Variants in EXT2 observed in about 807,000 individuals in gnomAD.
EXT2 encodes exostosin-2.
Under a neutral mutation model 81.6 loss-of-function variants are expected in EXT2, and 53 were observed. That is an observed-to-expected ratio of 0.65 (90% CI 0.52 to 0.82). The LOEUF is 0.82. Ranked by LOEUF, EXT2 falls within the 40% of genes least tolerant of loss-of-function variation. The pLI is 0.00. For synonymous variants in EXT2, 320 were observed against 340.0 expected (o/e 0.94, Z 0.65); for missense variants, 774 against 910.2 (o/e 0.85, Z 1.93).
chr11:44,217,908 G>T (rs942719684), intron 10 of EXT2, among the ~76,000 whole-genome samples: 32 of 152,144 alleles, frequency 2.1e-4, no homozygotes, highest in Non-Finnish European at 4.3e-4. Flanking sequence ...TAGCACTTAA[G>T]TGTTGAACAT....
At chr11:44,212,613 C>A (rs935200353) in intron 10 of EXT2, among the ~76,000 whole-genome samples, 2 of 152,100 alleles carry the variant, frequency 1.3e-5, no homozygotes, top group Non-Finnish European at 2.9e-5. Context: ...TATGACCCAG[C>A]TTCCAAAAGA....
At chr11:44,157,895 C>A (rs1183392919) in intron 7 of EXT2, among the ~76,000 whole-genome samples, 1 of 152,314 alleles carries the variant, frequency 6.6e-6, no homozygotes, top group Admixed American at 6.5e-5. Context: ...GCCTGTGTAC[C>A]ACTGATGTTT....
chr11:44,249,191 C>T lies in EXT2; in HGVS notation c.*4904C>T, dbSNP rs1466828884. 6.6e-6 allele frequency among the ~76,000 whole-genome samples: 1 copy of T among 151,978 alleles called. No homozygotes were observed. The highest frequency in any genetic ancestry group is 2.4e-5 in the African/African-American group (1 of 41,384). Reference sequence around the variant, plus strand: ...TTTTAATTTTTTTGGAGAGACAGGGCCTCACTATGTTGCCTAGGCTGGTCT... The same window carrying T: ...TTTTAATTTTTTTGGAGAGACAGGGTCTCACTATGTTGCCTAGGCTGGTCT... On this transcript the variant is annotated 3_prime_UTR_variant, in exon 14 of 14. Coordinates refer to ENST00000533608, the MANE Select transcript of EXT2 (RefSeq NM_207122.2).
At position 44,114,446 on chromosome 11, in the gene EXT2, T is replaced by G. The variant is rs1307579003; in HGVS notation, c.743+145T>G. 4 of 774,078 alleles carry G rather than the reference T, an allele frequency of 5.2e-6. No homozygotes were observed. In the East Asian group the frequency reaches 9.8e-5, roughly 19 times the overall value. 48.0% of individuals were successfully genotyped at this position (774,078 alleles called of 1,614,324 possible). A position where few individuals can be genotyped will look rare whatever the true frequency, so the allele number is the denominator to read the frequency against. On this transcript the variant is annotated intron_variant, in intron 4 of 13. Coordinates refer to ENST00000533608, the MANE Select transcript of EXT2 (RefSeq NM_207122.2). Reference sequence around the variant, plus strand: ...CACTGAGGCACCCATCTTTCCCACCTCCATGCAGTCTCATTCATCTTGCAG... The same window carrying G: ...CACTGAGGCACCCATCTTTCCCACCGCCATGCAGTCTCATTCATCTTGCAG...
chr11:44,135,105 C>G (rs1029011349), intron 7 of EXT2, among the ~76,000 whole-genome samples: 17 of 152,182 alleles, frequency 1.1e-4, no homozygotes, highest in Admixed American at 1.1e-3. Context: ...AATAAAACCT[C>G]TAGACTATAG....
At chr11:44,190,727 T>C (rs1034621835) in intron 8 of EXT2, among the ~76,000 whole-genome samples, 6 of 152,258 alleles carry the variant, frequency 3.9e-5, no homozygotes, top group Non-Finnish European at 7.3e-5. Flanking sequence ...TTTTCCTTGC[T>C]CTTGATTTCA....
chr11:44,251,485 G>A lies in EXT2; in HGVS notation c.*7198G>A, dbSNP rs992875501. On this transcript the variant is annotated 3_prime_UTR_variant, in exon 14 of 14. Coordinates refer to ENST00000533608, the MANE Select transcript of EXT2 (RefSeq NM_207122.2). ...TTTAGGCCTTAACAGCACAATAAAAGTATCCCATGAGACCATTATGAGCAG... is the reference window on the plus strand; with the variant it reads ...TTTAGGCCTTAACAGCACAATAAAAATATCCCATGAGACCATTATGAGCAG... Among the ~76,000 whole-genome samples, 3 of 152,114 alleles carry A rather than the reference G, an allele frequency of 2.0e-5. No homozygotes were observed. The highest frequency in any genetic ancestry group is 7.2e-5 in the African/African-American group (3 of 41,438).
In EXT2 at chr11:44,249,843, G is replaced by C. The variant is rs1956125270; in HGVS notation, c.*5556G>C. On this transcript the variant is annotated 3_prime_UTR_variant, in exon 14 of 14. Transcript: ENST00000533608. Reference sequence around the variant, plus strand: ...CCCAGCATTTTGGGAGGCCAAAGCGGGCAGATCATGAGGTCACGAGATCGA... The same window carrying C: ...CCCAGCATTTTGGGAGGCCAAAGCGCGCAGATCATGAGGTCACGAGATCGA... 6.6e-6 allele frequency among the ~76,000 whole-genome samples: 1 copy of C among 152,190 alleles called. No individual in the cohort carries two copies. The highest frequency in any genetic ancestry group is 6.5e-5 in the Admixed American group (1 of 15,288).
In EXT2 at chr11:44,126,960, G is replaced by A. The variant is rs773025398; in HGVS notation, c.1079+5G>A. ...TGAAGTTCTTGACTGGAAGAGGTGG[G>A]TAGTACCTCCTAGTAAACTCTACAT... On this transcript the variant is annotated splice_donor_5th_base_variant and intron_variant, in intron 6 of 13. Coordinates refer to ENST00000533608, the MANE Select transcript of EXT2 (RefSeq NM_207122.2). 27 of 1,613,858 alleles carry A rather than the reference G, an allele frequency of 1.7e-5. No individual in the cohort carries two copies. The highest frequency in any genetic ancestry group is 2.2e-5 in the Non-Finnish European group (26 of 1,179,894).
At position 44,249,000 on chromosome 11, in the gene EXT2, T is replaced by A. The variant is rs927826075; in HGVS notation, c.*4713T>A. 2.6e-5 allele frequency among the ~76,000 whole-genome samples: 4 copies of A among 152,146 alleles called. No homozygotes were observed. Among genetic ancestry groups the A allele is most frequent in the African/African-American group, 9.7e-5 (4 of 41,416 alleles). On this transcript the variant is annotated 3_prime_UTR_variant, in exon 14 of 14. Coordinates refer to ENST00000533608, the MANE Select transcript of EXT2 (RefSeq NM_207122.2). ...TGTTTGTTTGTTTGTTTTTGTTTTT[T>A]TTGTTTTTTCTTTGGAAACAGAGTC...
At chr11:44,164,389 T>C (rs1954965392) in intron 7 of EXT2, among the ~76,000 whole-genome samples, 1 of 152,210 alleles carries the variant, frequency 6.6e-6, no homozygotes, top group Admixed American at 6.5e-5. Flanking sequence ...TTTTCTCTTA[T>C]TTCAAAAAAC....
intron 10 of EXT2, among the ~76,000 whole-genome samples, chr11:44,218,172 G>A (rs1461751698): frequency 2.0e-5 from 3 of 152,174 alleles, no homozygotes; most frequent in African/African-American, 7.2e-5. Context: ...GTAATAACAA[G>A]TACATACTCT....
At chr11:44,228,992 G>A (rs958085617) in intron 10 of EXT2, among the ~76,000 whole-genome samples, 1 of 152,172 alleles carries the variant, frequency 6.6e-6, no homozygotes, top group Non-Finnish European at 1.5e-5. Context: ...TCCATCTTCA[G>A]CAGAAGTGCC....
At position 44,206,925 on chromosome 11, in the gene EXT2, T is replaced by C; in HGVS notation, c.1628T>C (p.Met543Thr). The C allele has an allele frequency of 6.2e-7, 1 of 1,614,196 alleles. No individual in the cohort carries two copies. Among genetic ancestry groups the C allele is most frequent in the Non-Finnish European group, 8.5e-7 (1 of 1,180,016 alleles). Residue 543 changes from methionine to threonine, a missense_variant, in exon 10 of 14, where the codon ATG becomes ACG. By Grantham distance (81) the Met-to-Thr change is moderately conservative. This residue lies in a region of EXT2 where 148 missense variants were observed against 239.7 expected (regional missense o/e 0.62). Transcript: ENST00000533608. ...AVLAIDDDII[M>T]LTSDELQFGY... ...CTGGCCATTGATGATGATATCATTATGCTGACCTCTGACGAGCTGCAATTT... is the reference window on the plus strand; with the variant it reads ...CTGGCCATTGATGATGATATCATTACGCTGACCTCTGACGAGCTGCAATTT...
At position 44,134,479 on chromosome 11, in the gene EXT2, T is replaced by C. The variant is rs78658226; in HGVS notation, c.1173+4341T>C. On this transcript the variant is annotated intron_variant, in intron 7 of 13. Transcript: ENST00000533608. ...GGCTAAAGCTGTCAGGATGAATTTCTTGGAGATGTAGAATCTGAGGTAGGC... is the reference window on the plus strand; with the variant it reads ...GGCTAAAGCTGTCAGGATGAATTTCCTGGAGATGTAGAATCTGAGGTAGGC... Among the ~76,000 whole-genome samples, 834 of 152,298 alleles carry C rather than the reference T, an allele frequency of 5.5e-3. 12 individuals are homozygous for C. The highest frequency in any genetic ancestry group is 0.019 in the African/African-American group (790 of 41,542).
intron 7 of EXT2, among the ~76,000 whole-genome samples, chr11:44,139,062 TG>T (rs777581261): frequency 6.6e-6 from 1 of 151,692 alleles, no homozygotes; most frequent in South Asian, 2.1e-4. Context: ...TTTATTCCTG[TG>T]GGTTCTGGTG....
At chr11:44,133,992 G>C (rs1203184996) in intron 7 of EXT2, among the ~76,000 whole-genome samples, 1 of 152,324 alleles carries the variant, frequency 6.6e-6, no homozygotes, top group Middle Eastern at 3.4e-3. Flanking sequence ...TACAAGGCTA[G>C]AGCCTAATGT....
rs1956093695 is a variant in EXT2 at position 44,246,352 on chromosome 11, T to C, written c.*2065T>C. On this transcript the variant is annotated 3_prime_UTR_variant, in exon 14 of 14. Coordinates refer to ENST00000533608, the MANE Select transcript of EXT2 (RefSeq NM_207122.2). ...CACTACCTTAGTGGCTGGTTTCTAA[T>C]GCAGCTTCTCTCCCAAAGGGTACAT... Among the ~76,000 whole-genome samples the C allele has an allele frequency of 6.6e-6, 1 of 152,244 alleles. No homozygotes were observed. The highest frequency in any genetic ancestry group is 2.4e-5 in the African/African-American group (1 of 41,468).
intron 8 of EXT2, among the ~76,000 whole-genome samples, chr11:44,192,949 G>GA (rs1955411543): frequency 6.6e-6 from 1 of 152,154 alleles, no homozygotes; most frequent in Admixed American, 6.5e-5. Flanking sequence ...ACATAAGGGG[G>GA]ACTGATAAAA....
Sources: gnomAD v4.1 joint callset for allele counts (sites outside exome capture counted in the v4.1 genomes callset) on GRCh38, gnomAD v4.1.1 for gene constraint, gnomAD v4.1.1 regional missense constraint, MANE v1.5 for transcripts, NCBI Gene and HGNC (gene_info 2026-07-23, HGNC 2026-07-21) for gene names.